The following CIMAP1C variants were observed in gnomAD, a reference collection of about 807,000 sequenced individuals.
CIMAP1C encodes the protein ciliary microtubule associated protein 1C.
chr15:75,727,530 T>A, the CIMAP1C span: 1 of 1,581,484 alleles, frequency 6.3e-7, no homozygotes, highest in East Asian at 2.3e-5. Context: ...GTCATCGACA[T>A]TCGTGACTGA....
chr15:75,727,346 A>G, the CIMAP1C span: 1 of 1,613,996 alleles, frequency 6.2e-7, no homozygotes, highest in Non-Finnish European at 8.5e-7. Flanking sequence ...TGAGCCATCC[A>G]TCTATCAGAA....
chr15:75,726,822 G>A, the CIMAP1C span, among the ~76,000 whole-genome samples: 1 of 152,064 alleles, frequency 6.6e-6, no homozygotes, highest in Non-Finnish European at 1.5e-5. Context: ...CACCATGTTG[G>A]TCAGGCTGGT....
the CIMAP1C span, among the ~76,000 whole-genome samples, chr15:75,726,474 C>T: frequency 6.6e-6 from 1 of 152,104 alleles, no homozygotes; most frequent in Non-Finnish European, 1.5e-5. Context: ...GTGTCGCTGT[C>T]AGAGGGACAA....
chr15:75,726,923 A>T, the CIMAP1C span: 1 of 1,176,540 alleles, frequency 8.5e-7, no homozygotes, highest in Non-Finnish European at 1.2e-6. Flanking sequence ...CTAAGTGACC[A>T]TTTGGATGTC....
the CIMAP1C span, chr15:75,726,257 C>T: frequency 1.3e-6 from 1 of 797,386 alleles, no homozygotes; most frequent in Non-Finnish European, 2.1e-6. Flanking sequence ...GGCAAAGGGT[C>T]AAGACTTCCT....
chr15:75,726,996 C>A, the CIMAP1C span: 10 of 1,556,116 alleles, frequency 6.4e-6, no homozygotes, highest in Non-Finnish European at 8.7e-6. Context: ...CATCAGTTGG[C>A]TAGCAGAGAA....
At chr15:75,725,026 TC>T in the CIMAP1C span, 1 of 871,162 alleles carries the variant, frequency 1.1e-6, no homozygotes, top group Non-Finnish European at 1.9e-6. Context: ...CCCCCAATGT[TC>T]CCATGGTGCG....
the CIMAP1C span, chr15:75,727,635 G>T: frequency 8.2e-7 from 1 of 1,222,890 alleles, no homozygotes; most frequent in Non-Finnish European, 1.1e-6. Context: ...TAGCAGAGCC[G>T]GTACCTGCTG....
At chr15:75,727,634 C>CGGACACTCAGCA in the CIMAP1C span, 1 of 1,251,518 alleles carries the variant, frequency 8.0e-7, no homozygotes, top group Non-Finnish European at 1.1e-6. Flanking sequence ...GTAGCAGAGC[C>CGGACACTCAGCA]GGTACCTGCT....
At chr15:75,726,148 T>A in the CIMAP1C span, 1 of 1,590,232 alleles carries the variant, frequency 6.3e-7, no homozygotes. Flanking sequence ...CAGGTCCCCA[T>A]GGAGGAGCGC....
chr15:75,726,098 G>A, the CIMAP1C span: 1 of 1,614,008 alleles, frequency 6.2e-7, no homozygotes, highest in Non-Finnish European at 8.5e-7. Flanking sequence ...GCTATCTCTT[G>A]GATCCCAAAA....
chr15:75,726,319 A>C, the CIMAP1C span: 1 of 616,484 alleles, frequency 1.6e-6, no homozygotes, highest in Non-Finnish European at 2.9e-6. Context: ...CGACATTGCA[A>C]TGCTGACATC....
the CIMAP1C span, chr15:75,725,123 A>G: frequency 6.2e-7 from 1 of 1,613,886 alleles, no homozygotes; most frequent in Non-Finnish European, 8.5e-7. Context: ...GGGCCCGCCA[A>G]GTACCTCCGG....
the CIMAP1C span, chr15:75,727,292 G>C: frequency 1.2e-5 from 19 of 1,614,076 alleles, no homozygotes; most frequent in Non-Finnish European, 1.6e-5. Flanking sequence ...GTTCTACAAG[G>C]AGGATGTGGC....
At chr15:75,726,943 C>A in the CIMAP1C span, 1 of 1,359,628 alleles carries the variant, frequency 7.4e-7, no homozygotes, top group Non-Finnish European at 1.0e-6. Flanking sequence ...CCCTGCCCTG[C>A]TGCTGAGGTG....
At chr15:75,725,744 G>A in the CIMAP1C span, among the ~76,000 whole-genome samples, 1 of 152,218 alleles carries the variant, frequency 6.6e-6, no homozygotes, top group Admixed American at 6.5e-5. Context: ...TAAGCCCCTG[G>A]CCTGGCTGGG....
chr15:75,725,946 C>T, the CIMAP1C span: 2 of 660,878 alleles, frequency 3.0e-6, no homozygotes, highest in Non-Finnish European at 5.4e-6. Context: ...TCCCCAAACA[C>T]CCAGGAGCCA....
the CIMAP1C span, chr15:75,725,204 G>T: frequency 6.2e-7 from 1 of 1,612,616 alleles, no homozygotes; most frequent in Non-Finnish European, 8.5e-7. Context: ...CTGCATAGCC[G>T]GCACTCAGAG....
the CIMAP1C span, chr15:75,726,137 G>A: frequency 7.4e-6 from 12 of 1,613,528 alleles, no homozygotes; most frequent in East Asian, 6.7e-5. Context: ...CCAGCTGCCC[G>A]CAGGTCCCCA....
Sources: allele counts gnomAD v4.1 joint callset (sites outside exome capture counted in the v4.1 genomes callset), GRCh38; gene constraint gnomAD v4.1.1; transcripts MANE v1.5; gene names NCBI Gene and HGNC (gene_info 2026-07-23, HGNC 2026-07-21).